Variants in GPC3 observed in about 807,000 individuals in gnomAD.
The protein encoded by GPC3 is glypican 3.
GPC3 carries 3 observed loss-of-function variants against 34.4 expected under a neutral mutation model. That is an observed-to-expected ratio of 0.09 (90% CI 0.04 to 0.23). The LOEUF (loss-of-function observed/expected upper bound fraction) is 0.23, where lower values mean the gene tolerates loss of function less well. GPC3 is among the 10% of genes least tolerant of loss of function. The pLI is 1.00. For missense variants in GPC3, 351 were observed against 445.6 expected (o/e 0.79, Z 1.91); for synonymous variants, 177 against 174.0 (o/e 1.02, Z -0.13).
At chrX:133,574,522 C>T (rs2069660653) in intron 7 of GPC3, among the ~76,000 whole-genome samples, 1 of 112,101 alleles carries the variant, frequency 8.9e-6, no homozygotes, top group Non-Finnish European at 1.9e-5. Context: ...TTCAGTCTTT[C>T]TGGTTATTTC....
intron 5 of GPC3, among the ~76,000 whole-genome samples, chrX:133,682,073 A>G (rs2070949610): frequency 9.0e-6 from 1 of 111,646 alleles, no homozygotes; most frequent in Non-Finnish European, 1.9e-5. Flanking sequence ...TGTTGCAACA[A>G]TTATGCTGAC....
Position 133,714,787 on chromosome X carries a change from A to C in GPC3, c.1033-14759T>G, listed in dbSNP as rs769315782. 2.5e-4 allele frequency among the ~76,000 whole-genome samples: 28 copies of C among 111,761 alleles called. No homozygotes were observed. In the East Asian group the frequency reaches 7.9e-3, roughly 32 times the overall value. Reference sequence around the variant, plus strand: ...GCAGCAATCCGAGAAGCATTTATTCAAGAAAATGGCTGAATGTCAGTAGGA... The same window carrying C: ...GCAGCAATCCGAGAAGCATTTATTCCAGAAAATGGCTGAATGTCAGTAGGA... On this transcript the variant is annotated intron_variant, in intron 3 of 7. Transcript: ENST00000370818.
intron 2 of GPC3, among the ~76,000 whole-genome samples, chrX:133,779,185 C>T: frequency 8.9e-6 from 1 of 112,627 alleles, no homozygotes; most frequent in Non-Finnish European, 1.9e-5. Context: ...ACTATTCTCA[C>T]TCTTTTCCTC....
intron 2 of GPC3, among the ~76,000 whole-genome samples, chrX:133,765,448 T>C (rs2071836142): frequency 8.9e-6 from 1 of 112,116 alleles, no homozygotes; most frequent in South Asian, 3.7e-4. Context: ...TAGCTGCATT[T>C]AAAGGTTTAA....
chrX:133,892,746 T>G (rs1382764783), intron 2 of GPC3, among the ~76,000 whole-genome samples: 1 of 110,081 alleles, frequency 9.1e-6, no homozygotes, highest in African/African-American at 3.3e-5. Flanking sequence ...TTTACATACC[T>G]TGGAGAGGAC....
intron 2 of GPC3, among the ~76,000 whole-genome samples, chrX:133,951,700 CAA>C (rs2076393769): frequency 8.9e-6 from 1 of 112,057 alleles, no homozygotes; most frequent in Admixed American, 9.5e-5. Flanking sequence ...AAACTCTTCA[CAA>C]GAGTCTGACT....
chrX:133,619,974 A>T (rs758032524), intron 6 of GPC3, among the ~76,000 whole-genome samples: 1 of 110,269 alleles, frequency 9.1e-6, no homozygotes, highest in African/African-American at 3.3e-5. Context: ...TAATCCCAGC[A>T]CTTTGGGAGG....
intron 2 of GPC3, among the ~76,000 whole-genome samples, chrX:133,807,701 C>A (rs2075643526): frequency 8.9e-6 from 1 of 112,251 alleles, no homozygotes; most frequent in South Asian, 3.8e-4. Flanking sequence ...ATGCATTGAG[C>A]ACTTATTATG....
intron 7 of GPC3, among the ~76,000 whole-genome samples, chrX:133,571,136 A>G (rs2069625155): frequency 8.9e-6 from 1 of 111,757 alleles, no homozygotes; most frequent in African/African-American, 3.3e-5. Flanking sequence ...TTACCTTATA[A>G]ATCTACAAGT....
chrX:133,580,452 C>T (rs1297944850), intron 7 of GPC3, among the ~76,000 whole-genome samples: 1 of 111,900 alleles, frequency 8.9e-6, no homozygotes, highest in Non-Finnish European at 1.9e-5. Context: ...TTTGTTCCAA[C>T]TATCATTCCA....
At chrX:133,623,979 A>C (rs1265435515) in intron 6 of GPC3, among the ~76,000 whole-genome samples, 1 of 112,233 alleles carries the variant, frequency 8.9e-6, no homozygotes, top group Non-Finnish European at 1.9e-5. Flanking sequence ...ACAGGGAATC[A>C]AACTAGAACT....
At chrX:133,953,266 C>T in intron 1 of GPC3, 55 bp from the exon 2 acceptor site, 1 of 958,064 alleles carries the variant, frequency 1.0e-6, no homozygotes, top group Non-Finnish European at 1.5e-6. Context: ...TCTCACACAC[C>T]CACACCCACA....
At chrX:133,740,738 T>C (rs1054690631) in intron 3 of GPC3, among the ~76,000 whole-genome samples, 2 of 111,664 alleles carry the variant, frequency 1.8e-5, no homozygotes, top group Non-Finnish European at 3.8e-5. Context: ...ATTTCTGATC[T>C]GAAAGAGAGA....
chrX:133,822,386 C>G (rs1463354559), intron 2 of GPC3, among the ~76,000 whole-genome samples: 1 of 111,719 alleles, frequency 9.0e-6, no homozygotes, highest in African/African-American at 3.3e-5. Flanking sequence ...AAAGTGCTTC[C>G]TTTAAGTGAA....
intron 1 of GPC3, among the ~76,000 whole-genome samples, chrX:133,983,974 C>T (rs1203918081): frequency 1.8e-5 from 2 of 113,351 alleles, no homozygotes; most frequent in African/African-American, 6.4e-5. Context: ...GCTCACTCGG[C>T]TCTTTTCATC....
intron 3 of GPC3, among the ~76,000 whole-genome samples, chrX:133,705,622 C>T (rs1261186249): frequency 8.0e-5 from 9 of 112,087 alleles, no homozygotes; most frequent in Admixed American, 4.7e-4. Flanking sequence ...TTTTTGTTTT[C>T]GATTTTCCCG....
At chrX:133,618,188 C>A (rs964114737) in intron 6 of GPC3, among the ~76,000 whole-genome samples, 8 of 111,569 alleles carry the variant, frequency 7.2e-5, no homozygotes, top group East Asian at 2.8e-4. Flanking sequence ...CCAAATATTA[C>A]CAGCAAACAA....
intron 3 of GPC3, among the ~76,000 whole-genome samples, chrX:133,743,284 T>C (rs1382919784): frequency 8.9e-6 from 1 of 112,910 alleles, no homozygotes; most frequent in Non-Finnish European, 1.9e-5. Context: ...TAAAATTCTT[T>C]ATTACAGCAA....
chrX:133,756,768 T>C (rs1377824030), intron 2 of GPC3, among the ~76,000 whole-genome samples: 1 of 112,672 alleles, frequency 8.9e-6, no homozygotes, highest in Non-Finnish European at 1.9e-5. Flanking sequence ...CAAGCTCATA[T>C]GTGCTCCCTG....
Sources: gnomAD v4.1 joint callset for allele counts (sites outside exome capture counted in the v4.1 genomes callset) on GRCh38, gnomAD v4.1.1 for gene constraint, MANE v1.5 for transcripts, NCBI Gene and HGNC (gene_info 2026-07-23, HGNC 2026-07-21) for gene names.